Variants in PDE3A observed in about 807,000 individuals in gnomAD.
PDE3A encodes the protein phosphodiesterase 3A.
A neutral mutation model predicts 98.3 loss-of-function variants in PDE3A; 43 were observed. The ratio of observed to expected loss-of-function variants is 0.44; its 90% CI spans 0.34 to 0.56. PDE3A has a LOEUF of 0.56. Among genes scored for constraint, PDE3A ranks in the 20% least tolerant of loss-of-function variants. The probability of loss-of-function intolerance (pLI) is 0.01; values close to 1 mark genes in which losing one functional copy is unlikely to be tolerated. For synonymous variants in PDE3A, 663 were observed against 567.9 expected (o/e 1.17, Z -2.38); for missense variants, 1,427 against 1,440.7 (o/e 0.99, Z 0.15).
intron 1 of PDE3A, among the ~76,000 whole-genome samples, chr12:20,515,356 C>G (rs1946298758): frequency 6.6e-6 from 1 of 152,148 alleles, no homozygotes; most frequent in African/African-American, 2.4e-5. Flanking sequence ...AATGCATGAC[C>G]TCAGAATATA....
intron 15 of PDE3A, among the ~76,000 whole-genome samples, chr12:20,671,792 G>A (rs1418586335): frequency 2.1e-5 from 3 of 143,038 alleles, no homozygotes; most frequent in Non-Finnish European, 4.6e-5. Context: ...ACTGGCACAA[G>A]ACAGGGATGC....
intron 1 of PDE3A, among the ~76,000 whole-genome samples, chr12:20,395,090 C>T (rs867782159): frequency 6.3e-4 from 96 of 152,098 alleles, no homozygotes; most frequent in Admixed American, 2.4e-3. Flanking sequence ...TCAAATACAG[C>T]GCAGTGATTA....
At chr12:20,411,052 C>G (rs1944324379) in intron 1 of PDE3A, among the ~76,000 whole-genome samples, 1 of 152,190 alleles carries the variant, frequency 6.6e-6, no homozygotes, top group Admixed American at 6.5e-5. Context: ...ATCTTCTAAA[C>G]TAGTGACCAA....
chr12:20,422,999 A>G (rs1294841059), intron 1 of PDE3A, among the ~76,000 whole-genome samples: 1 of 152,208 alleles, frequency 6.6e-6, no homozygotes, highest in African/African-American at 2.4e-5. Flanking sequence ...TTGAAATGCT[A>G]GAAATCACTG....
intron 2 of PDE3A, among the ~76,000 whole-genome samples, chr12:20,572,420 A>C (rs1942821043): frequency 6.6e-6 from 1 of 152,120 alleles, no homozygotes; most frequent in South Asian, 2.1e-4. Flanking sequence ...ACTATCTTAG[A>C]ATGTTAAACA....
In PDE3A at chr12:20,552,938, A is replaced by G; in HGVS notation, c.961-3722A>G. The G allele has an allele frequency of 8.9e-6, 14 of 1,573,570 alleles. No individual in the cohort carries two copies. The highest frequency in any genetic ancestry group is 1.2e-5 in the Non-Finnish European group (14 of 1,159,972). On this transcript the variant is annotated intron_variant, in intron 1 of 15. Transcript: ENST00000359062. The surrounding 1 kb of genome is among the most constrained non-coding windows in gnomAD (Gnocchi z 5.1). Reference sequence around the variant, plus strand: ...TGCCGCTACGACCTGGGCCGCAGCTATGCCATGCAGGTGAACCAGCCTCTG... The same window carrying G: ...TGCCGCTACGACCTGGGCCGCAGCTGTGCCATGCAGGTGAACCAGCCTCTG...
At chr12:20,410,721 T>TA (rs1944317563) in intron 1 of PDE3A, among the ~76,000 whole-genome samples, 1 of 152,186 alleles carries the variant, frequency 6.6e-6, no homozygotes, top group African/African-American at 2.4e-5. Context: ...CTGTTCATTA[T>TA]AAGACCTTCC....
rs138563961 is a variant in PDE3A at position 20,518,542 on chromosome 12, A to T, written c.961-38118A>T. Among the ~76,000 whole-genome samples the T allele has an allele frequency of 8.8e-3, 1,195 of 135,734 alleles. 23 individuals carry two copies. Among genetic ancestry groups the T allele is most frequent in the African/African-American group, 0.031 (1,144 of 36,802 alleles). The allele number at this position is 135,734 out of a possible 152,430, so 89.0% of individuals were successfully genotyped here. A position where few individuals can be genotyped will look rare whatever the true frequency, so the allele number is the denominator to read the frequency against. ...ATTTTGAATAGAAGACTGCTTTTTA[A>T]AATTATGTAAACTATTCTGTCATTA... On this transcript the variant is annotated intron_variant, in intron 1 of 15. Coordinates refer to ENST00000359062, the MANE Select transcript of PDE3A (RefSeq NM_000921.5).
In PDE3A at chr12:20,687,536, T is replaced by C. The variant is rs888664933; in HGVS notation, c.*7265T>C. Among the ~76,000 whole-genome samples the C allele has an allele frequency of 6.6e-5, 10 of 152,018 alleles. No individual in the cohort carries two copies. The highest frequency in any genetic ancestry group is 1.4e-4 in the African/African-American group (6 of 41,424). ...CACTTATGACTGTCAGTTTATGTCT[T>C]AATGTATTCTCACAGAAGAATGCAT... On this transcript the variant is annotated 3_prime_UTR_variant, in exon 16 of 16. Transcript: ENST00000359062.
intron 2 of PDE3A, among the ~76,000 whole-genome samples, chr12:20,599,510 C>T (rs1453392874): frequency 3.3e-5 from 5 of 152,134 alleles, no homozygotes; most frequent in African/African-American, 9.7e-5. Flanking sequence ...GCCCAATTCA[C>T]GGTGTAATTC....
At chr12:20,632,948 G>A (rs948992077) in intron 6 of PDE3A, among the ~76,000 whole-genome samples, 60 of 99,216 alleles carry the variant, frequency 6.0e-4, no homozygotes, top group African/African-American at 2.1e-3. Context: ...TAATAATGAG[G>A]CTTTTTTTTT....
intron 1 of PDE3A, among the ~76,000 whole-genome samples, chr12:20,384,703 A>C (rs1943719709): frequency 6.6e-6 from 1 of 151,482 alleles, no homozygotes; most frequent in African/African-American, 2.4e-5. Flanking sequence ...CACCCGACAG[A>C]CTCCAGCATG....
intron 1 of PDE3A, among the ~76,000 whole-genome samples, chr12:20,448,978 T>C (rs1348662789): frequency 6.6e-6 from 1 of 152,206 alleles, no homozygotes; most frequent in Non-Finnish European, 1.5e-5. Flanking sequence ...GGTTTCCTAC[T>C]TCCTCCATTA....
intron 1 of PDE3A, among the ~76,000 whole-genome samples, chr12:20,480,998 T>C (rs1404478515): frequency 1.3e-5 from 2 of 152,238 alleles, no homozygotes; most frequent in Non-Finnish European, 2.9e-5. Flanking sequence ...ATTGTGGTGG[T>C]TACCTGGCCA....
chr12:20,486,275 T>C (rs926901055), intron 1 of PDE3A, among the ~76,000 whole-genome samples: 6 of 152,102 alleles, frequency 3.9e-5, no homozygotes, highest in African/African-American at 1.4e-4. Flanking sequence ...GCAATGCACC[T>C]TCTTCGCAAG....
chr12:20,557,649 G>A (rs1942404234), intron 2 of PDE3A, among the ~76,000 whole-genome samples: 1 of 152,184 alleles, frequency 6.6e-6, no homozygotes, highest in Admixed American at 6.5e-5. Context: ...CATTAAACTT[G>A]TGTGAATAAC....
In PDE3A at chr12:20,370,229, T is replaced by C; in HGVS notation, c.945T>C (p.Cys315=). 6.4e-7 allele frequency: 1 copy of C among 1,563,170 alleles called. No homozygotes were observed. Among genetic ancestry groups the C allele is most frequent in the Non-Finnish European group, 8.6e-7 (1 of 1,158,046 alleles). The part of the protein sequence containing the change: ...SKSHRRTSLP[C]IPREQLMGHS... Reference sequence around the variant, plus strand: ...CCCATCGGAGGACCTCCCTGCCCTGTATACCGAGGGAACAGGTAAGCACTG... The same window carrying C: ...CCCATCGGAGGACCTCCCTGCCCTGCATACCGAGGGAACAGGTAAGCACTG... Residue 315 remains cysteine (C), a synonymous_variant, in exon 1 of 16, where the codon TGT becomes TGC. Transcript: ENST00000359062.
At chr12:20,460,542 T>C (rs73241611) in intron 1 of PDE3A, among the ~76,000 whole-genome samples, 2,317 of 152,316 alleles carry the variant, frequency 0.015, 60 homozygotes, top group African/African-American at 0.051. Flanking sequence ...TAAAATCAGA[T>C]AAATCTTTAA....
intron 1 of PDE3A, among the ~76,000 whole-genome samples, chr12:20,500,572 T>C (rs959721994): frequency 6.6e-6 from 1 of 152,116 alleles, no homozygotes; most frequent in Non-Finnish European, 1.5e-5. Context: ...CTTTTCTTTC[T>C]TCAGGATTTT....
Sources: gnomAD v4.1 joint callset for allele counts (sites outside exome capture counted in the v4.1 genomes callset) on GRCh38, gnomAD v4.1.1 for gene constraint, Gnocchi (gnomAD v3.1) non-coding constraint, MANE v1.5 for transcripts, NCBI Gene and HGNC (gene_info 2026-07-23, HGNC 2026-07-21) for gene names.